TENM2: variants seen among roughly 807,000 people sequenced by gnomAD.
TENM2 encodes teneurin-2.
A neutral mutation model predicts 245.2 loss-of-function variants in TENM2; 52 were observed. The ratio of observed to expected loss-of-function variants is 0.21; its 90% confidence interval spans 0.17 to 0.27. TENM2 has a LOEUF of 0.27. Among genes scored for constraint, TENM2 ranks in the 10% least tolerant of loss-of-function variants. The pLI, the probability that TENM2 is intolerant of heterozygous loss-of-function variation, is 1.00. For missense variants in TENM2, 3,046 were observed against 3,666.8 expected (o/e 0.83, Z 4.37); for synonymous variants, 1,363 against 1,438.9 (o/e 0.95, Z 1.19).
chr5:167,984,352 T>C (rs1355799229), intron 4 of TENM2, among the ~76,000 whole-genome samples: 1 of 152,228 alleles, frequency 6.6e-6, no homozygotes, highest in Non-Finnish European at 1.5e-5. Context: ...ATGTTTACTT[T>C]CTATTTTTAA....
At chr5:167,947,601 C>A (rs1020000880) in intron 3 of TENM2, among the ~76,000 whole-genome samples, 3 of 152,138 alleles carry the variant, frequency 2.0e-5, no homozygotes, top group African/African-American at 7.2e-5. Context: ...AATTCAAGGT[C>A]AAATTTGAAC....
intron 2 of TENM2, among the ~76,000 whole-genome samples, chr5:167,838,388 A>G (rs1163420392): frequency 6.6e-6 from 1 of 152,206 alleles, no homozygotes; most frequent in Non-Finnish European, 1.5e-5. Context: ...TACTATTTGT[A>G]TGAATGCGTT....
At chr5:167,636,536 T>A (rs2150233301) in intron 2 of TENM2, among the ~76,000 whole-genome samples, 1 of 152,358 alleles carries the variant, frequency 6.6e-6, no homozygotes, top group South Asian at 2.1e-4. Context: ...GATTTAGCAC[T>A]GTTCCTCAGA....
chr5:167,520,043 G>C (rs1304705030), intron 2 of TENM2, among the ~76,000 whole-genome samples: 1 of 152,136 alleles, frequency 6.6e-6, no homozygotes, highest in East Asian at 1.9e-4. Flanking sequence ...TCAATACTTT[G>C]TAAGCATAGG....
the TENM2 span, among the ~76,000 whole-genome samples, chr5:167,004,738 G>A: frequency 2.6e-5 from 4 of 152,122 alleles, no homozygotes; most frequent in South Asian, 2.1e-4. Context: ...AGCTTGCAGC[G>A]TGTGTGCGTT....
rs764713880 is a variant in TENM2, at chr5:168,158,850, T to TAC, written c.2423-3743_2423-3742dup. On this transcript the variant is annotated intron_variant, in intron 12 of 28. Coordinates refer to ENST00000518659, the Ensembl canonical transcript of TENM2. ...GTGTGTATATATATATATATATATA[T>TAC]ACACACACACACACACACATATATA... is the stretch of plus-strand genomic sequence containing the variant. 3.0e-3 allele frequency among the ~76,000 whole-genome samples: 186 copies of TAC among 62,294 alleles called. 4 individuals carry two copies. Among genetic ancestry groups the TAC allele is most frequent in the Middle Eastern group, 0.019 (2 of 108 alleles). The allele number at this position is 62,294 out of a possible 152,430, so 40.9% of individuals were successfully genotyped here.
intron 27 of TENM2, among the ~76,000 whole-genome samples, chr5:168,257,610 T>C (rs1229005892): frequency 7.1e-6 from 1 of 140,800 alleles, no homozygotes; most frequent in Non-Finnish European, 1.5e-5. Flanking sequence ...CATGGGCAGC[T>C]CCTGATTTTT....
intron 2 of TENM2, among the ~76,000 whole-genome samples, chr5:167,607,134 T>G (rs1777111386): frequency 6.6e-6 from 1 of 152,102 alleles, no homozygotes; most frequent in Non-Finnish European, 1.5e-5. Flanking sequence ...CATTCACTGC[T>G]TCATTCGGCA....
At chr5:167,467,976 G>C (rs573296237) in intron 2 of TENM2, among the ~76,000 whole-genome samples, 2 of 152,116 alleles carry the variant, frequency 1.3e-5, no homozygotes, top group Non-Finnish European at 2.9e-5. Flanking sequence ...CGCTCTTGTC[G>C]CCCAGGCTGG....
At chr5:167,291,315 C>T (rs1213781145) in intron 1 of TENM2, among the ~76,000 whole-genome samples, 1 of 152,128 alleles carries the variant, frequency 6.6e-6, no homozygotes, top group East Asian at 1.9e-4. Flanking sequence ...CAATAGTATC[C>T]CAGTTCAAAT....
chr5:167,858,475 G>C (rs1206541748), intron 2 of TENM2, among the ~76,000 whole-genome samples: 3 of 152,186 alleles, frequency 2.0e-5, no homozygotes, highest in Non-Finnish European at 4.4e-5. Context: ...AAGTCTTTCA[G>C]CATTTCTACC....
chr5:167,866,939 T>C lies in TENM2; in HGVS notation c.503-9047T>C, dbSNP rs1418664613. ...ACATCTCAAGTGTCCAATAGCCACA[T>C]GTCTTAAACACTAGGGATGTAGAAC... On this transcript the variant is annotated intron_variant, in intron 2 of 28. Coordinates refer to ENST00000518659, the Ensembl canonical transcript of TENM2. Among the ~76,000 whole-genome samples, 13 of 152,362 alleles carry C rather than the reference T, an allele frequency of 8.5e-5. No homozygotes were observed. The South Asian group carries it at 2.1e-3, about 24-fold the overall frequency.
At chr5:167,926,958 T>C (rs1777817019) in intron 3 of TENM2, among the ~76,000 whole-genome samples, 1 of 152,202 alleles carries the variant, frequency 6.6e-6, no homozygotes, top group African/African-American at 2.4e-5. Context: ...TTAAAAACTT[T>C]AATTAAAACA....
At chr5:167,279,260 T>C in the TENM2 span, among the ~76,000 whole-genome samples, 1 of 152,188 alleles carries the variant, frequency 6.6e-6, no homozygotes, top group East Asian at 1.9e-4. Context: ...GGATTTGTCC[T>C]GCATGGGACT....
At chr5:167,745,808 A>T (rs1761517927) in intron 2 of TENM2, among the ~76,000 whole-genome samples, 1 of 152,188 alleles carries the variant, frequency 6.6e-6, no homozygotes, top group African/African-American at 2.4e-5. Flanking sequence ...TATGCATAGC[A>T]TGTATCAGTA....
At chr5:168,208,387 G>A (rs898703519) in intron 19 of TENM2, among the ~76,000 whole-genome samples, 6 of 152,090 alleles carry the variant, frequency 3.9e-5, no homozygotes, top group Non-Finnish European at 7.3e-5. Context: ...TGGAGTCAAG[G>A]GCACCAATCA....
chr5:167,064,497 G>C, the TENM2 span, among the ~76,000 whole-genome samples: 2 of 152,252 alleles, frequency 1.3e-5, no homozygotes, highest in East Asian at 3.9e-4. Flanking sequence ...TAAAAATGGA[G>C]TATTTTGGAA....
chr5:167,322,523 G>T (rs1756825560), intron 1 of TENM2, among the ~76,000 whole-genome samples: 2 of 152,058 alleles, frequency 1.3e-5, no homozygotes, highest in Non-Finnish European at 2.9e-5. Flanking sequence ...CTTCTATAGG[G>T]TTGTGAAGAC....
chr5:167,495,535 T>G (rs1274635512), intron 2 of TENM2, among the ~76,000 whole-genome samples: 1 of 152,124 alleles, frequency 6.6e-6, no homozygotes, highest in African/African-American at 2.4e-5. Flanking sequence ...CAGATTTTCT[T>G]CTGCAAATGT....
Sources: gnomAD v4.1 joint callset for allele counts (sites outside exome capture counted in the v4.1 genomes callset) on GRCh38, gnomAD v4.1.1 for gene constraint, MANE v1.5 for transcripts, NCBI Gene and HGNC (gene_info 2026-07-23, HGNC 2026-07-21) for gene names.